The following LETM1 variants were observed in gnomAD, a reference collection of about 807,000 sequenced individuals.
The protein encoded by LETM1 is leucine zipper and EF-hand containing transmembrane protein 1.
LETM1 carries 50 observed loss-of-function variants against 74.5 expected under a neutral mutation model. The observed-to-expected ratio is 0.67, with a 90% confidence interval of 0.53 to 0.85. The LOEUF (loss-of-function observed/expected upper bound fraction) is 0.85. Among genes scored for constraint, LETM1 ranks in the 40% least tolerant of loss-of-function variants. The pLI is 0.00. For synonymous variants in LETM1, 446 were observed against 407.1 expected, an observed-to-expected ratio of 1.10 and a Z score of -1.15; for missense variants, 824 against 967.8, an observed-to-expected ratio of 0.85 and a Z score of 1.97.
intron 6 of LETM1, among the ~76,000 whole-genome samples, chr4:1,827,808 C>T (rs1246803505): frequency 6.6e-6 from 1 of 151,142 alleles, no homozygotes; most frequent in East Asian, 2.0e-4. Flanking sequence ...GTTGGGCACA[C>T]CTCCCAGACG....
chr4:1,817,016 C>T lies in LETM1; in HGVS notation c.1744-102G>A, dbSNP rs973999245. On this transcript the variant is annotated intron_variant, in intron 11 of 13. Transcript: ENST00000302787. ...ATCCCAGTACTTTGCAAGGCCAAGG[C>T]GGGCGGATCACCTGAGGTTAGGAGT... 302 of 944,316 alleles carry T rather than the reference C, an allele frequency of 3.2e-4. 1 individual carries two copies. Among genetic ancestry groups the T allele is most frequent in the Non-Finnish European group, 4.3e-4 (267 of 619,198 alleles). The allele number at this position is 944,316 out of a possible 1,614,324, so 58.5% of individuals were successfully genotyped here.
rs1251158325 is a variant in LETM1 at position 1,828,966 on chromosome 4, G to A, written c.1081-3283C>T. Among the ~76,000 whole-genome samples the A allele has an allele frequency of 3.8e-4, 42 of 110,164 alleles. 1 individual carries two copies. The highest frequency in any genetic ancestry group is 5.6e-4 in the Non-Finnish European group (30 of 53,684). 72.3% of individuals were successfully genotyped at this position (110,164 alleles called of 152,430 possible). ...CAGAGGCGCCCCTCACCTCCCGGAC[G>A]GGGCGGCTGGCCGGGCAGGGGGGCT... On this transcript the variant is annotated intron_variant, in intron 6 of 13. Transcript: ENST00000302787.
At chr4:1,842,687 G>C (rs1337132741) in intron 2 of LETM1, among the ~76,000 whole-genome samples, 1 of 152,178 alleles carries the variant, frequency 6.6e-6, no homozygotes, top group Non-Finnish European at 1.5e-5. Flanking sequence ...CACTAACCCA[G>C]ACCCATCTCG....
intron 12 of LETM1, 129 bp from the exon 13 acceptor site, chr4:1,815,931 G>A (rs1711556826): frequency 9.4e-7 from 1 of 1,069,368 alleles, no homozygotes. Flanking sequence ...GCAACCTCCA[G>A]CACGGACCCC....
At chr4:1,840,035 C>T (rs529551062) in intron 3 of LETM1, among the ~76,000 whole-genome samples, 2 of 152,242 alleles carry the variant, frequency 1.3e-5, no homozygotes, top group African/African-American at 4.8e-5. Context: ...CTCATGTAGC[C>T]CATAAATACG....
intron 2 of LETM1, among the ~76,000 whole-genome samples, chr4:1,843,913 G>A (rs970413101): frequency 6.6e-6 from 1 of 152,216 alleles, no homozygotes; most frequent in African/African-American, 2.4e-5. Flanking sequence ...TGGCCAGGCT[G>A]TGTTCCTTCT....
chr4:1,825,614 T>A lies in LETM1; in HGVS notation c.1150A>T (p.Met384Leu), dbSNP rs942979395. ...TCTTCCGTGACGCCCAGGGCCCGCATGCCTCGTGCCCGACACGCTGCCTGC... is the reference window on the plus strand; with the variant it reads ...TCTTCCGTGACGCCCAGGGCCCGCAAGCCTCGTGCCCGACACGCTGCCTGC... ...ELQAACRARG[M>L]RALGVTEDRL... Residue 384 changes from methionine to leucine, a missense_variant, in exon 7 of 14, where the codon ATG (methionine) becomes TTG (leucine). Around this residue, in one of 4 missense-constraint regions of LETM1, gnomAD observed 269 missense variants for 348.8 expected, o/e 0.77. Coordinates refer to ENST00000302787, the MANE Select transcript of LETM1 (RefSeq NM_012318.3). 6.2e-7 allele frequency: 1 copy of A among 1,613,856 alleles called. No individual in the cohort carries two copies. The highest frequency in any genetic ancestry group is 8.5e-7 in the Non-Finnish European group (1 of 1,179,940).
chr4:1,816,747 C>CG lies in LETM1; in HGVS notation c.1910dup (p.Ala638GlyfsTer15). On this transcript the variant is annotated frameshift_variant, in exon 12 of 14. Transcript: ENST00000302787. LOFTEE classifies it high-confidence loss of function. ...CTCACCCCGTGGGCATGCCGTTGGCCGGGGCCAGCTTGCCAGCCTGCTGGT... is the reference window on the plus strand; with the variant it reads ...CTCACCCCGTGGGCATGCCGTTGGCCGGGGGCCAGCTTGCCAGCCTGCTGGT... The CG allele has an allele frequency of 1.2e-6, 2 of 1,614,096 alleles. No individual in the cohort carries two copies. The highest frequency in any genetic ancestry group is 1.7e-6 in the Non-Finnish European group (2 of 1,179,962).
chr4:1,850,140 G>C (rs1713016870), intron 1 of LETM1, among the ~76,000 whole-genome samples: 1 of 151,620 alleles, frequency 6.6e-6, no homozygotes, highest in East Asian at 2.0e-4. Context: ...GGCAACAAGA[G>C]TGAAACTCCG....
intron 10 of LETM1, among the ~76,000 whole-genome samples, chr4:1,821,123 A>AT (rs572170622): frequency 0.096 from 13,475 of 141,020 alleles, 778 homozygotes; most frequent in Non-Finnish European, 0.13. Context: ...AAAAAGTGAA[A>AT]TTTTTTTTTT....
intron 10 of LETM1, among the ~76,000 whole-genome samples, chr4:1,820,889 T>C (rs1044343108): frequency 6.6e-6 from 1 of 152,008 alleles, no homozygotes; most frequent in Non-Finnish European, 1.5e-5. Context: ...CTGGGTGTGG[T>C]GGTGGGCACC....
chr4:1,823,244 C>T lies in LETM1; in HGVS notation c.1333-113G>A, dbSNP rs1480539359. The T allele has an allele frequency of 3.7e-6, 5 of 1,344,358 alleles. No homozygotes were observed. The East Asian group carries it at 7.2e-5, about 19-fold the overall frequency. The allele number at this position is 1,344,358 out of a possible 1,614,324, so 83.3% of individuals were successfully genotyped here. A position where few individuals can be genotyped will look rare whatever the true frequency, so the allele number is the denominator to read the frequency against. ...CTGCCCCGTCACCACCTGGGCTTCA[C>T]ACACACAGGACAGAAGGCACTGCCG... is the stretch of plus-strand genomic sequence containing the variant. On this transcript the variant is annotated intron_variant, in intron 8 of 13. Coordinates refer to ENST00000302787, the MANE Select transcript of LETM1 (RefSeq NM_012318.3).
At chr4:1,839,538 G>C (rs1712612721) in intron 3 of LETM1, among the ~76,000 whole-genome samples, 3 of 152,226 alleles carry the variant, frequency 2.0e-5, no homozygotes, top group Non-Finnish European at 4.4e-5. Flanking sequence ...CAATTCAGTG[G>C]CGAGGTGCGC....
intron 6 of LETM1, among the ~76,000 whole-genome samples, chr4:1,831,773 T>C (rs988262784): frequency 6.6e-6 from 1 of 152,232 alleles, no homozygotes; most frequent in Non-Finnish European, 1.5e-5. Flanking sequence ...AGGCTCTTCC[T>C]GGAAGAGTTC....
intron 1 of LETM1, among the ~76,000 whole-genome samples, chr4:1,852,946 A>C (rs1162934344): frequency 1.3e-5 from 2 of 152,126 alleles, no homozygotes; most frequent in Non-Finnish European, 2.9e-5. Context: ...AAGAACAAAC[A>C]AACCTTTCTT....
chr4:1,832,840 G>C lies in LETM1; in HGVS notation c.984C>G (p.Ala328=). Residue 328 remains alanine (A), a synonymous_variant, in exon 6 of 14, where the codon GCC becomes GCG. Transcript: ENST00000302787. ...LDNLTRPQLV[A]LCKLLELQSI... ...ACTGTAGCTCCAGCAGCTTGCACAG[G>C]GCCACCAGCTGCGGCCGTGTCAGGT... The C allele has an allele frequency of 6.2e-7, 1 of 1,614,076 alleles. No homozygotes were observed.
chr4:1,816,875 C>T lies in LETM1; in HGVS notation c.1783G>A (p.Glu595Lys). ...EIKKELSKTG[E>K]EKYVEESKAS... ...TTAGATTCTTCCACGTACTTTTCTT[C>T]ACCAGTCTTTGAAAGTTCCTTCTTG... Residue 595 changes from glutamate (E) to lysine (K), a missense_variant, in exon 12 of 14, where the codon GAA (glutamate) becomes AAA (lysine). This residue lies in a region of LETM1 where 161 missense variants were observed against 252.7 expected (regional missense o/e 0.64). Transcript: ENST00000302787. 6.2e-7 allele frequency: 1 copy of T among 1,614,014 alleles called. No individual in the cohort carries two copies. The highest frequency in any genetic ancestry group is 8.5e-7 in the Non-Finnish European group (1 of 1,179,854).
intron 6 of LETM1, among the ~76,000 whole-genome samples, chr4:1,825,884 C>T (rs765083677): frequency 6.6e-6 from 1 of 152,152 alleles, no homozygotes; most frequent in Admixed American, 6.5e-5. Context: ...AGAACGGCCA[C>T]GGTCAACCCC....
At position 1,834,705 on chromosome 4, in the gene LETM1, C is replaced by A; in HGVS notation, c.876+140G>T. The A allele has an allele frequency of 6.7e-7, 1 of 1,498,328 alleles. No homozygotes were observed. The allele number at this position is 1,498,328 out of a possible 1,614,324, so 92.8% of individuals were successfully genotyped here. On this transcript the variant is annotated intron_variant, in intron 5 of 13. Transcript: ENST00000302787. This position sits in a 1 kb window ranked among gnomAD's most constrained non-coding sequence, Gnocchi z 5.0. Reference sequence around the variant, plus strand: ...AGACTCCTGACACTCCACTGGCCCCCGACTGAGCCTCCTGGGTAAACTTTC... The same window carrying A: ...AGACTCCTGACACTCCACTGGCCCCAGACTGAGCCTCCTGGGTAAACTTTC...
Sources: gnomAD v4.1 joint callset for allele counts (sites outside exome capture counted in the v4.1 genomes callset) on GRCh38, gnomAD v4.1.1 for gene constraint, gnomAD v4.1.1 regional missense constraint, Gnocchi (gnomAD v3.1) non-coding constraint, MANE v1.5 for transcripts, NCBI Gene and HGNC (gene_info 2026-07-23, HGNC 2026-07-21) for gene names.